NEDD4: variants seen among roughly 807,000 people sequenced by gnomAD.
NEDD4 encodes NEDD4 E3 ubiquitin protein ligase.
In NEDD4, 99 loss-of-function variants were observed where a neutral mutation model predicts 144.9. The observed-to-expected ratio is 0.68, with a 90% CI of 0.58 to 0.81. NEDD4 has a LOEUF of 0.81. NEDD4 is among the 30% of genes least tolerant of loss of function. The probability of loss-of-function intolerance (pLI) is 0.00; values close to 1 mark genes in which losing one functional copy is unlikely to be tolerated. For missense variants in NEDD4, 985 were observed against 1,065.9 expected (o/e 0.92, Z 1.06); for synonymous variants, 318 against 350.6 (o/e 0.91, Z 1.04).
At chr15:55,918,585 T>TA (rs57813475) in intron 5 of NEDD4, among the ~76,000 whole-genome samples, 735 of 148,100 alleles carry the variant, frequency 5.0e-3, no homozygotes, top group African/African-American at 9.5e-3. Flanking sequence ...CATACTTTGT[T>TA]AAAAAAAAAA....
At chr15:55,929,045 C>T (rs528597184) in intron 4 of NEDD4, among the ~76,000 whole-genome samples, 12 of 152,270 alleles carry the variant, frequency 7.9e-5, no homozygotes, top group Non-Finnish European at 1.6e-4. Context: ...AGAGGGCCAT[C>T]AGCAGCTGAG....
In NEDD4 at chr15:55,850,535, A is replaced by T. The variant is rs927601417; in HGVS notation, c.1347+7T>A. 1.9e-6 allele frequency: 3 copies of T among 1,613,774 alleles called. No homozygotes were observed. The highest frequency in any genetic ancestry group is 2.2e-5 in the East Asian group (1 of 44,882). On this transcript the variant is annotated splice_region_variant and intron_variant, in intron 14 of 28. Transcript: ENST00000435532. ...TATAAATTTAAATGGAAAAGTATCAAAGTTACCCAGGTGGTGGTTTTAGTG... is the reference window on the plus strand; with the variant it reads ...TATAAATTTAAATGGAAAAGTATCATAGTTACCCAGGTGGTGGTTTTAGTG...
intron 18 of NEDD4, among the ~76,000 whole-genome samples, chr15:55,842,674 G>A (rs560664558): frequency 2.0e-5 from 3 of 152,184 alleles, no homozygotes; most frequent in Non-Finnish European, 4.4e-5. Context: ...CATGGCACCC[G>A]GCCTAAAGAA....
intron 1 of NEDD4, among the ~76,000 whole-genome samples, chr15:55,990,051 T>A (rs2037964263): frequency 6.6e-6 from 1 of 151,770 alleles, no homozygotes; most frequent in South Asian, 2.1e-4. Flanking sequence ...GCCTGATGAT[T>A]TGTCACTGTC....
At chr15:55,970,506 G>A (rs2037589577) in intron 1 of NEDD4, among the ~76,000 whole-genome samples, 1 of 152,224 alleles carries the variant, frequency 6.6e-6, no homozygotes, top group African/African-American at 2.4e-5. Flanking sequence ...CACAGTCCCA[G>A]TGATGGTGGC....
At chr15:55,936,483 G>T (rs1487745956) in intron 4 of NEDD4, among the ~76,000 whole-genome samples, 1 of 151,830 alleles carries the variant, frequency 6.6e-6, no homozygotes, top group Non-Finnish European at 1.5e-5. Context: ...TTATCGAGAT[G>T]AAATTATGGC....
chr15:55,886,561 C>T (rs1392771003), intron 5 of NEDD4, among the ~76,000 whole-genome samples: 6 of 152,016 alleles, frequency 3.9e-5, no homozygotes, highest in East Asian at 1.9e-4. Flanking sequence ...GGTCAGAGAT[C>T]GAGACCATCC....
In NEDD4 at chr15:55,840,699, T is replaced by A. The variant is rs774674685; in HGVS notation, c.1867A>T (p.Asn623Tyr). The change falls in exon 20 of 29, where the codon AAC (asparagine) becomes TAC (tyrosine). Residue 623 changes from asparagine (N) to tyrosine (Y), a missense_variant. Transcript: ENST00000435532. ...TDNYTLQINP[N>Y]SGLCNEDHLS... ...TGATCTTCGTTACACAATCCAGAGT[T>A]TGGATTTATCTGTAGGGTATAATTG... is the stretch of plus-strand genomic sequence containing the variant. The A allele has an allele frequency of 5.0e-6, 8 of 1,613,846 alleles. No homozygotes were observed. In the African/African-American group the frequency reaches 9.3e-5, roughly 19 times the overall value.
At chr15:55,880,475 AAAT>A (rs1367346402) in intron 5 of NEDD4, among the ~76,000 whole-genome samples, 1 of 152,204 alleles carries the variant, frequency 6.6e-6, no homozygotes, top group African/African-American at 2.4e-5. Flanking sequence ...ACTTCCTGCA[AAAT>A]AATGAGAGAA....
chr15:55,885,168 A>C lies in NEDD4; in HGVS notation c.292-11160T>G, dbSNP rs570419707. ...GACATTTTAGAAGTGCTGAAGTAAA[A>C]AAAGTTTTACCCTACAATAGTATAT... On this transcript the variant is annotated intron_variant, in intron 5 of 28. Transcript: ENST00000435532. Among the ~76,000 whole-genome samples the C allele has an allele frequency of 1.7e-4, 26 of 152,294 alleles. 1 individual carries two copies. In the South Asian group the frequency reaches 3.9e-3, roughly 23 times the overall value.
intron 15 of NEDD4, 42 bp from the exon 16 acceptor site, chr15:55,848,617 G>T: frequency 6.5e-7 from 1 of 1,529,664 alleles, no homozygotes; most frequent in Non-Finnish European, 9.0e-7. Context: ...GGAGAGGGGC[G>T]TAGATGAATG....
Position 55,848,359 on chromosome 15 carries a change from CAG to C in NEDD4, c.1542+11_1542+12del, listed in dbSNP as rs2033835329. On this transcript the variant is annotated intron_variant, in intron 17 of 28. Coordinates refer to ENST00000435532, the MANE Select transcript of NEDD4 (RefSeq NM_006154.4). Reference sequence around the variant, plus strand: ...GGACAGTCCCATCAGAGCACACTGGCAGAGAGACTTACTGGTCCAGTTATTGC... The same window carrying C: ...GGACAGTCCCATCAGAGCACACTGGCAGAGACTTACTGGTCCAGTTATTGC... 6.2e-7 allele frequency: 1 copy of C among 1,613,304 alleles called. No individual in the cohort carries two copies. Among genetic ancestry groups the C allele is most frequent in the South Asian group, 1.1e-5 (1 of 91,052 alleles).
intron 4 of NEDD4, among the ~76,000 whole-genome samples, chr15:55,937,776 A>G (rs1340648324): frequency 2.6e-5 from 4 of 152,182 alleles, no homozygotes; most frequent in Non-Finnish European, 5.9e-5. Context: ...TCAATGTTAC[A>G]CTCACCAAAA....
chr15:55,973,554 A>G lies in NEDD4; in HGVS notation c.46-7008T>C, dbSNP rs551504053. 5.3e-5 allele frequency among the ~76,000 whole-genome samples: 8 copies of G among 152,286 alleles called. No homozygotes were observed. In the South Asian group the frequency reaches 6.2e-4, roughly 12 times the overall value. Reference sequence around the variant, plus strand: ...CCTGTCTTGAAAAAGAAAAAAATTTAAAAAATTAAAATCTTAAAAGTATCT... The same window carrying G: ...CCTGTCTTGAAAAAGAAAAAAATTTGAAAAATTAAAATCTTAAAAGTATCT... On this transcript the variant is annotated intron_variant, in intron 1 of 28. Transcript: ENST00000435532.
chr15:55,856,274 G>T, intron 11 of NEDD4, 78 bp from the exon 12 acceptor site: 5 of 1,261,434 alleles, frequency 4.0e-6, no homozygotes, highest in South Asian at 3.7e-5. Context: ...GGTAGTGAGG[G>T]TAAATATGAC....
rs1429749457 is a variant in NEDD4 at position 55,873,947 on chromosome 15, C to G, written c.342+11G>C. ...AAGCCCAAAAGGAAAATCATGGACA[C>G]CTATACCAACCGGTAATGGATAAAG... On this transcript the variant is annotated intron_variant, in intron 6 of 28. Transcript: ENST00000435532. 1.3e-6 allele frequency: 2 copies of G among 1,517,864 alleles called. No individual in the cohort carries two copies. Among genetic ancestry groups the G allele is most frequent in the African/African-American group, 2.8e-5 (2 of 72,370 alleles). The allele number at this position is 1,517,864 out of a possible 1,614,324, so 94.0% of individuals were successfully genotyped here. A position where few individuals can be genotyped will look rare whatever the true frequency, so the allele number is the denominator to read the frequency against.
At chr15:55,979,652 G>GA (rs1319367556) in intron 1 of NEDD4, among the ~76,000 whole-genome samples, 2 of 151,900 alleles carry the variant, frequency 1.3e-5, no homozygotes, top group African/African-American at 4.8e-5. Context: ...CGCGCCCGGC[G>GA]AAAGTTTTTA....
intron 11 of NEDD4, among the ~76,000 whole-genome samples, chr15:55,856,663 A>T (rs1489719033): frequency 6.6e-6 from 1 of 152,152 alleles, no homozygotes; most frequent in African/African-American, 2.4e-5. Flanking sequence ...TCTGGAGCTG[A>T]AGTCAATGAC....
chr15:55,930,305 A>G (rs542234909), intron 4 of NEDD4, among the ~76,000 whole-genome samples: 1 of 152,092 alleles, frequency 6.6e-6, no homozygotes, highest in South Asian at 2.1e-4. Context: ...AAGTTCACTG[A>G]CCCTCGTCCT....
Sources: allele counts gnomAD v4.1 joint callset (sites outside exome capture counted in the v4.1 genomes callset), GRCh38; gene constraint gnomAD v4.1.1; transcripts MANE v1.5; gene names NCBI Gene and HGNC (gene_info 2026-07-23, HGNC 2026-07-21).